Variants in EPHB2 observed in about 807,000 individuals in gnomAD.
The protein encoded by EPHB2 is EPH receptor B2.
Under a neutral mutation model 96.4 loss-of-function variants are expected in EPHB2, and 18 were observed. That is an observed-to-expected ratio of 0.19 (90% CI 0.13 to 0.28). EPHB2 has a LOEUF of 0.28. EPHB2 is among the 10% of genes least tolerant of loss of function. The pLI is 1.00. For missense variants in EPHB2, 989 were observed against 1,355.4 expected, an observed-to-expected ratio of 0.73 and a Z score of 4.25; for synonymous variants, 506 against 534.1, an observed-to-expected ratio of 0.95 and a Z score of 0.72.
At chr1:22,883,550 G>C (rs309484) in intron 6 of EPHB2, among the ~76,000 whole-genome samples, 151,752 of 152,352 alleles carry the variant, frequency 1, 75,577 homozygotes, top group Middle Eastern at 1. Context: ...GGAGGCCTTT[G>C]GTTGAGGGCA....
At chr1:22,808,286 T>G (rs1644955784) in intron 3 of EPHB2, among the ~76,000 whole-genome samples, 1 of 152,218 alleles carries the variant, frequency 6.6e-6, no homozygotes, top group African/African-American at 2.4e-5. Flanking sequence ...TCTCAGCTCC[T>G]GCAGGAAACC....
intron 9 of EPHB2, among the ~76,000 whole-genome samples, chr1:22,897,385 G>A (rs1305859863): frequency 6.6e-6 from 1 of 152,126 alleles, no homozygotes; most frequent in Non-Finnish European, 1.5e-5. Context: ...TTCCTCAGGT[G>A]CCTGCCTCTG....
intron 1 of EPHB2, among the ~76,000 whole-genome samples, chr1:22,763,956 G>A (rs960151645): frequency 1.3e-5 from 2 of 151,960 alleles, no homozygotes; most frequent in Admixed American, 6.6e-5. Context: ...TCTCTCTAAC[G>A]CCAACCCTCC....
chr1:22,720,028 A>G (rs1478549064), intron 1 of EPHB2, among the ~76,000 whole-genome samples: 1 of 152,220 alleles, frequency 6.6e-6, no homozygotes, highest in East Asian at 1.9e-4. Context: ...TCGTGGCTTC[A>G]CATACATCTT....
chr1:22,885,838 G>A (rs974748993), intron 6 of EPHB2, among the ~76,000 whole-genome samples: 3 of 152,160 alleles, frequency 2.0e-5, no homozygotes, highest in Non-Finnish European at 4.4e-5. Context: ...GATGAGACGT[G>A]GCCCTACTTC....
chr1:22,912,106 A>C lies in EPHB2; in HGVS notation c.2697-338A>C, dbSNP rs543362525. The stretch of plus-strand genomic sequence containing the variant: ...TCTAGCTGAAATCCCTCCTCCTGAA[A>C]ATAAGCATGGAGCTGCGTCTTCCCC... On this transcript the variant is annotated intron_variant, in intron 14 of 15. Transcript: ENST00000374630. Among the ~76,000 whole-genome samples, 15 of 152,182 alleles carry C rather than the reference A, an allele frequency of 9.9e-5. No homozygotes were observed. The South Asian group carries it at 2.9e-3, about 30-fold the overall frequency.
chr1:22,906,586 G>T lies in EPHB2; in HGVS notation c.1889-124G>T. The T allele has an allele frequency of 6.9e-7, 1 of 1,457,074 alleles. No homozygotes were observed. 90.3% of individuals were successfully genotyped at this position (1,457,074 alleles called of 1,614,324 possible). A position where few individuals can be genotyped will look rare whatever the true frequency, so the allele number is the denominator to read the frequency against. On this transcript the variant is annotated intron_variant, in intron 10 of 15. Coordinates refer to ENST00000374630, the MANE Select transcript of EPHB2 (RefSeq NM_017449.5). The surrounding 1 kb of genome is among the most constrained non-coding windows in gnomAD (Gnocchi z 4.8). ...CTTGAAGGGGTTCTGTGTCTGCAAG[G>T]ATGAGTGGGCCATTGAGAAGAAAAT...
chr1:22,782,511 C>T (rs774201794), intron 2 of EPHB2, among the ~76,000 whole-genome samples: 14 of 151,322 alleles, frequency 9.3e-5, no homozygotes, highest in African/African-American at 1.7e-4. Flanking sequence ...AGGGTCAGGC[C>T]GCTTTCTGTG....
chr1:22,784,642 C>T lies in EPHB2; in HGVS notation c.377C>T (p.Thr126Ile). ...YEADFDSATK[T>I]FPNWMENPWV... ...GCTGACTTTGACTCGGCCACCAAGA[C>T]CTTCCCCAACTGGATGGAGAATCCA... Residue 126 changes from threonine to isoleucine, a missense_variant, in exon 3 of 16, where the codon ACC becomes ATC. Transcript: ENST00000374630. The surrounding 1 kb of genome is among the most constrained non-coding windows in gnomAD (Gnocchi z 5.1). 1.2e-6 allele frequency: 2 copies of T among 1,614,138 alleles called. No individual in the cohort carries two copies. Among genetic ancestry groups the T allele is most frequent in the Non-Finnish European group, 8.5e-7 (1 of 1,180,042 alleles).
At chr1:22,849,328 C>T (rs933188667) in intron 3 of EPHB2, among the ~76,000 whole-genome samples, 2 of 152,182 alleles carry the variant, frequency 1.3e-5, no homozygotes, top group African/African-American at 4.8e-5. Flanking sequence ...CCGTCTCCTT[C>T]GTGACCCATC....
chr1:22,760,638 G>A (rs760701544), intron 1 of EPHB2, among the ~76,000 whole-genome samples: 2 of 152,144 alleles, frequency 1.3e-5, no homozygotes, highest in Non-Finnish European at 2.9e-5. Flanking sequence ...CCCTGTCCGG[G>A]AGGGTGATAT....
intron 3 of EPHB2, among the ~76,000 whole-genome samples, chr1:22,844,070 C>G (rs1645506711): frequency 6.6e-6 from 1 of 152,014 alleles, no homozygotes; most frequent in Non-Finnish European, 1.5e-5. Context: ...AGGTTGATCC[C>G]ATGGCTTTGC....
intron 3 of EPHB2, among the ~76,000 whole-genome samples, chr1:22,832,265 T>C (rs1463563449): frequency 1.3e-5 from 2 of 152,150 alleles, no homozygotes; most frequent in Admixed American, 1.3e-4. Flanking sequence ...CTCTGAGCTG[T>C]GGGTTCTTCC....
chr1:22,740,001 C>T (rs1454687446), intron 1 of EPHB2, among the ~76,000 whole-genome samples: 1 of 152,166 alleles, frequency 6.6e-6, no homozygotes, highest in East Asian at 1.9e-4. Context: ...AAAATAAATC[C>T]TTAGAGAAAC....
chr1:22,835,467 C>T (rs2148491088), intron 3 of EPHB2, among the ~76,000 whole-genome samples: 1 of 152,306 alleles, frequency 6.6e-6, no homozygotes, highest in Admixed American at 6.5e-5. Context: ...GACACACAGA[C>T]ATGCACATAT....
chr1:22,721,244 T>C (rs893503002), intron 1 of EPHB2, among the ~76,000 whole-genome samples: 1 of 151,936 alleles, frequency 6.6e-6, no homozygotes, highest in African/African-American at 2.4e-5. Flanking sequence ...GTGAAGTGAG[T>C]GGGTGGGACC....
intron 5 of EPHB2, among the ~76,000 whole-genome samples, chr1:22,881,799 G>C (rs1387865079): frequency 6.6e-6 from 1 of 152,046 alleles, no homozygotes; most frequent in East Asian, 1.9e-4. Context: ...CACCATGTTG[G>C]CAAGGCTGGT....
chr1:22,778,268 TC>T (rs914835593), intron 1 of EPHB2, among the ~76,000 whole-genome samples: 13 of 151,786 alleles, frequency 8.6e-5, no homozygotes, highest in Admixed American at 3.9e-4. Flanking sequence ...TCAAGTGATC[TC>T]CCCCCCTCAA....
chr1:22,817,129 A>G (rs1374901450), intron 3 of EPHB2, among the ~76,000 whole-genome samples: 1 of 152,192 alleles, frequency 6.6e-6, no homozygotes, highest in Non-Finnish European at 1.5e-5. Flanking sequence ...AGAATGGGCC[A>G]AGAATAAATA....
Sources: allele counts gnomAD v4.1 joint callset (sites outside exome capture counted in the v4.1 genomes callset), GRCh38; gene constraint gnomAD v4.1.1; non-coding constraint Gnocchi (gnomAD v3.1); transcripts MANE v1.5; gene names NCBI Gene and HGNC (gene_info 2026-07-23, HGNC 2026-07-21).